The following PKNOX2 variants were observed in gnomAD, a reference collection of about 807,000 sequenced individuals.
The protein encoded by PKNOX2 is PBX/knotted 1 homeobox 2.
Under a neutral mutation model 53.1 loss-of-function variants are expected in PKNOX2, and 14 were observed. The ratio of observed to expected loss-of-function variants is 0.26; its 90% CI spans 0.17 to 0.41. The LOEUF is 0.41. Among genes scored for constraint, PKNOX2 ranks in the 10% least tolerant of loss-of-function variants. The pLI is 1.00. For missense variants in PKNOX2, 496 were observed against 602.8 expected (o/e 0.82, Z 1.85); for synonymous variants, 257 against 242.8 (o/e 1.06, Z -0.54).
At chr11:125,391,378 C>G (rs1470337551) in intron 6 of PKNOX2, among the ~76,000 whole-genome samples, 2 of 152,182 alleles carry the variant, frequency 1.3e-5, no homozygotes, top group Admixed American at 1.3e-4. Context: ...AGGCCACGAT[C>G]CTACAAGAGA....
intron 2 of PKNOX2, among the ~76,000 whole-genome samples, chr11:125,323,223 A>G (rs948494838): frequency 2.0e-5 from 3 of 152,206 alleles, no homozygotes; most frequent in African/African-American, 7.2e-5. Context: ...CTTTGAGCCC[A>G]GGTCAAAATC....
chr11:125,327,179 G>A (rs895286403), intron 2 of PKNOX2, among the ~76,000 whole-genome samples: 22 of 152,150 alleles, frequency 1.4e-4, no homozygotes, highest in African/African-American at 5.1e-4. Flanking sequence ...CCAGAGGCTC[G>A]GTCTTCACTT....
chr11:125,428,879 A>T, intron 10 of PKNOX2, 133 bp from the exon 11 acceptor site: 1 of 834,492 alleles, frequency 1.2e-6, no homozygotes, highest in Admixed American at 2.3e-5. Flanking sequence ...CAAACATGAC[A>T]CTTCCCCAAT....
intron 2 of PKNOX2, among the ~76,000 whole-genome samples, chr11:125,300,603 G>A (rs545964651): frequency 1.3e-5 from 2 of 152,184 alleles, no homozygotes; most frequent in African/African-American, 4.8e-5. Context: ...GAGAGAGACA[G>A]AAAGAGAGAG....
At position 125,433,148 on chromosome 11, in the gene PKNOX2, G is replaced by T. The variant is rs1259401346; in HGVS notation, c.*1756G>T. ...TTTGCAATGTGCAGTGGGATAAAAT[G>T]CATTTCCTTTTCTGGTTCGTTTTTC... On this transcript the variant is annotated 3_prime_UTR_variant, in exon 13 of 13. Coordinates refer to ENST00000298282, the MANE Select transcript of PKNOX2 (RefSeq NM_001382323.2). 6.6e-6 allele frequency: 1 copy of T among 152,628 alleles called. No individual in the cohort carries two copies. The highest frequency in any genetic ancestry group is 1.5e-5 in the Non-Finnish European group (1 of 68,046). 9.5% of individuals were successfully genotyped at this position (152,628 alleles called of 1,614,324 possible). A position where few individuals can be genotyped will look rare whatever the true frequency, so the allele number is the denominator to read the frequency against.
chr11:125,197,802 T>C (rs1211424682), intron 1 of PKNOX2, among the ~76,000 whole-genome samples: 2 of 152,142 alleles, frequency 1.3e-5, no homozygotes, highest in African/African-American at 4.8e-5. Flanking sequence ...ACTCCTGGAA[T>C]GGCGTCCTGG....
intron 7 of PKNOX2, among the ~76,000 whole-genome samples, chr11:125,407,670 T>C (rs1242340703): frequency 6.6e-6 from 1 of 151,510 alleles, no homozygotes; most frequent in Non-Finnish European, 1.5e-5. Flanking sequence ...GAGGCTCAGG[T>C]GGGAGGATTA....
intron 7 of PKNOX2, among the ~76,000 whole-genome samples, chr11:125,402,949 T>G (rs953729378): frequency 2.0e-5 from 3 of 152,166 alleles, no homozygotes; most frequent in African/African-American, 4.8e-5. Context: ...AAGTTACAGA[T>G]TCATTGGCCT....
At chr11:125,398,266 G>A (rs999356542) in intron 7 of PKNOX2, among the ~76,000 whole-genome samples, 7 of 152,160 alleles carry the variant, frequency 4.6e-5, no homozygotes, top group Non-Finnish European at 8.8e-5. Context: ...GCCCTGCCAG[G>A]GCATTAGTAT....
chr11:125,343,399 G>GT (rs1950810672), intron 3 of PKNOX2, among the ~76,000 whole-genome samples: 4 of 151,110 alleles, frequency 2.6e-5, no homozygotes, highest in Admixed American at 6.6e-5. Flanking sequence ...TTTTTTTTCT[G>GT]TTTTTTGTTT....
intron 2 of PKNOX2, among the ~76,000 whole-genome samples, chr11:125,247,974 C>T (rs1055541744): frequency 2.0e-5 from 3 of 152,170 alleles, no homozygotes; most frequent in African/African-American, 4.8e-5. Flanking sequence ...CAATTTCTTC[C>T]TCCCAGAGCC....
intron 2 of PKNOX2, among the ~76,000 whole-genome samples, chr11:125,307,167 G>A (rs990828331): frequency 1.3e-5 from 2 of 152,210 alleles, no homozygotes; most frequent in African/African-American, 4.8e-5. Flanking sequence ...ATACTCATTT[G>A]TTGGAAATAA....
chr11:125,385,498 T>TAGC, intron 5 of PKNOX2, 53 bp from the exon 6 acceptor site: 1 of 1,525,510 alleles, frequency 6.6e-7, no homozygotes, highest in South Asian at 1.3e-5. Context: ...TGAGCACAGG[T>TAGC]AGCAGCACGG....
In PKNOX2 at chr11:125,229,152, G is replaced by A. The variant is rs114234374; in HGVS notation, c.-200-5893G>A. On this transcript the variant is annotated intron_variant, in intron 1 of 12. Coordinates refer to ENST00000298282, the MANE Select transcript of PKNOX2 (RefSeq NM_001382323.2). ...CCTCCTCCAGCATGCAGCTGAGTAC[G>A]GCACAGCTGAGAACATAATGCGACA... Among the ~76,000 whole-genome samples, 883 of 152,234 alleles carry A rather than the reference G, an allele frequency of 5.8e-3. 6 individuals are homozygous for A. Among genetic ancestry groups the A allele is most frequent in the African/African-American group, 0.02 (830 of 41,530 alleles).
chr11:125,430,715 GCA>G (rs1956659412), intron 12 of PKNOX2, among the ~76,000 whole-genome samples: 1 of 151,760 alleles, frequency 6.6e-6, no homozygotes, highest in South Asian at 2.1e-4. Context: ...GTATGGTTGT[GCA>G]CAGGTTCCTT....
At chr11:125,427,295 T>C (rs1284923183) in intron 10 of PKNOX2, among the ~76,000 whole-genome samples, 1 of 152,208 alleles carries the variant, frequency 6.6e-6, no homozygotes, top group Non-Finnish European at 1.5e-5. Flanking sequence ...CCTACTTTCT[T>C]GTTAGAATCT....
At position 125,298,771 on chromosome 11, in the gene PKNOX2, G is replaced by A. The variant is rs1300323262; in HGVS notation, c.-129-33048G>A. On this transcript the variant is annotated intron_variant, in intron 2 of 12. Transcript: ENST00000298282. Reference sequence around the variant, plus strand: ...AGCCAAACAGTGGCCTCAGACTTTGGCTCGTGACCTTGACGTATTCCCGGG... The same window carrying A: ...AGCCAAACAGTGGCCTCAGACTTTGACTCGTGACCTTGACGTATTCCCGGG... Among the ~76,000 whole-genome samples the A allele has an allele frequency of 2.0e-5, 3 of 152,174 alleles. No homozygotes were observed. The South Asian group carries it at 6.2e-4, about 32-fold the overall frequency.
At chr11:125,335,906 C>T (rs974499085) in intron 3 of PKNOX2, among the ~76,000 whole-genome samples, 2 of 152,124 alleles carry the variant, frequency 1.3e-5, no homozygotes, top group Non-Finnish European at 2.9e-5. Flanking sequence ...GGGCAGAGGA[C>T]ATGGAAGTGG....
intron 2 of PKNOX2, among the ~76,000 whole-genome samples, chr11:125,278,366 C>T (rs1252941523): frequency 1.3e-5 from 2 of 152,144 alleles, no homozygotes; most frequent in Non-Finnish European, 2.9e-5. Flanking sequence ...TCTGGGTTTC[C>T]CCTAAAGCAA....
Sources: gnomAD v4.1 joint callset for allele counts (sites outside exome capture counted in the v4.1 genomes callset) on GRCh38, gnomAD v4.1.1 for gene constraint, MANE v1.5 for transcripts, NCBI Gene and HGNC (gene_info 2026-07-23, HGNC 2026-07-21) for gene names.